The following MITF variants were observed in gnomAD, a reference collection of about 807,000 sequenced individuals.
MITF encodes the protein microphthalmia-associated transcription factor.
In MITF, 17 loss-of-function variants were observed where a neutral mutation model predicts 60.5. The ratio of observed to expected loss-of-function variants is 0.28; its 90% CI spans 0.19 to 0.42. The LOEUF (loss-of-function observed/expected upper bound fraction) is 0.42, where lower values mean the gene tolerates loss of function less well. Among genes scored for constraint, MITF ranks in the 10% least tolerant of loss-of-function variants. The probability of loss-of-function intolerance (pLI) is 1.00; values close to 1 mark genes in which losing one functional copy is unlikely to be tolerated. For missense variants in MITF, 622 were observed against 683.5 expected, an observed-to-expected ratio of 0.91 and a Z score of 1.00; for synonymous variants, 260 against 248.5, an observed-to-expected ratio of 1.05 and a Z score of -0.43.
At chr3:69,850,595 T>C (rs952303190) in intron 1 of MITF, among the ~76,000 whole-genome samples, 1 of 152,168 alleles carries the variant, frequency 6.6e-6, no homozygotes, top group Non-Finnish European at 1.5e-5. Context: ...AAAGGAAAGA[T>C]TGTTTGCATG....
chr3:69,794,954 C>T (rs914909049), intron 1 of MITF, among the ~76,000 whole-genome samples: 4 of 152,124 alleles, frequency 2.6e-5, no homozygotes, highest in Non-Finnish European at 4.4e-5. Context: ...CTTTTTGATG[C>T]TGTGTGAGTA....
At chr3:69,905,945 AGTGTC>A (rs1195827726) in intron 2 of MITF, among the ~76,000 whole-genome samples, 1 of 152,100 alleles carries the variant, frequency 6.6e-6, no homozygotes, top group Non-Finnish European at 1.5e-5. Context: ...TTCTATTAAT[AGTGTC>A]TTTTGAAAAG....
At chr3:69,854,876 C>T (rs1437283437) in intron 1 of MITF, among the ~76,000 whole-genome samples, 1 of 152,188 alleles carries the variant, frequency 6.6e-6, no homozygotes, top group Non-Finnish European at 1.5e-5. Flanking sequence ...GATTACTCCT[C>T]TAAAGTATTA....
At chr3:69,787,789 T>G (rs1224701520) in intron 1 of MITF, among the ~76,000 whole-genome samples, 1 of 152,156 alleles carries the variant, frequency 6.6e-6, no homozygotes, top group Non-Finnish European at 1.5e-5. Flanking sequence ...CTCCTACGTG[T>G]CCAACATTAC....
chr3:69,831,205 G>C (rs934109110), intron 1 of MITF, among the ~76,000 whole-genome samples: 1 of 152,140 alleles, frequency 6.6e-6, no homozygotes, highest in Non-Finnish European at 1.5e-5. Context: ...GCACATGATG[G>C]GCACGGAGTA....
chr3:69,834,707 A>G (rs557917230), intron 1 of MITF, among the ~76,000 whole-genome samples: 1 of 152,242 alleles, frequency 6.6e-6, no homozygotes, highest in Non-Finnish European at 1.5e-5. Flanking sequence ...GGGTTGCTGG[A>G]TTATATGGTA....
intron 1 of MITF, among the ~76,000 whole-genome samples, chr3:69,814,229 T>C (rs973137498): frequency 1.1e-4 from 16 of 152,220 alleles, no homozygotes; most frequent in Non-Finnish European, 1.5e-4. Context: ...TTCCCAAATG[T>C]AATGAGTTCA....
chr3:69,813,790 A>G (rs532514190), intron 1 of MITF, among the ~76,000 whole-genome samples: 2 of 152,296 alleles, frequency 1.3e-5, no homozygotes, highest in Admixed American at 6.5e-5. Flanking sequence ...AATTGGTGTT[A>G]TGAACAAAAA....
chr3:69,927,501 C>T (rs1381921206), intron 2 of MITF, among the ~76,000 whole-genome samples: 2 of 151,476 alleles, frequency 1.3e-5, no homozygotes, highest in Admixed American at 1.3e-4. Flanking sequence ...CAAACCTGCA[C>T]GTTCTGCACA....
At chr3:69,797,174 T>C (rs776218674) in intron 1 of MITF, among the ~76,000 whole-genome samples, 16 of 152,164 alleles carry the variant, frequency 1.1e-4, no homozygotes, top group Admixed American at 3.3e-4. Context: ...GAATGGAAAA[T>C]TGTATTACAC....
At chr3:69,799,646 G>A (rs1256558169) in intron 1 of MITF, among the ~76,000 whole-genome samples, 1 of 150,162 alleles carries the variant, frequency 6.7e-6, no homozygotes, top group African/African-American at 2.4e-5. Context: ...CTTTCACACT[G>A]TCTTATTTCT....
chr3:69,939,627 T>A (rs1187805961), intron 4 of MITF, among the ~76,000 whole-genome samples: 1 of 152,068 alleles, frequency 6.6e-6, no homozygotes, highest in African/African-American at 2.4e-5. Flanking sequence ...CTTTCCCAAA[T>A]AACTAAAGTT....
At chr3:69,873,622 T>C (rs1018460162) in intron 1 of MITF, among the ~76,000 whole-genome samples, 4 of 152,188 alleles carry the variant, frequency 2.6e-5, no homozygotes, top group Non-Finnish European at 4.4e-5. Context: ...TTGTGTCCCA[T>C]CCAACATGTT....
At chr3:69,797,880 A>G (rs1383916832) in intron 1 of MITF, among the ~76,000 whole-genome samples, 1 of 152,240 alleles carries the variant, frequency 6.6e-6, no homozygotes, top group African/African-American at 2.4e-5. Context: ...TTACAATAAA[A>G]ATATAAATGT....
chr3:69,962,540 G>A (rs542824409), intron 9 of MITF, among the ~76,000 whole-genome samples: 186 of 152,304 alleles, frequency 1.2e-3, no homozygotes, highest in Non-Finnish European at 2.2e-3. Context: ...TGTGGGCAGA[G>A]GTTGAGAGGC....
chr3:69,816,566 T>C (rs929579816), intron 1 of MITF, among the ~76,000 whole-genome samples: 4 of 152,178 alleles, frequency 2.6e-5, no homozygotes, highest in Admixed American at 1.3e-4. Context: ...CTCTAACAAT[T>C]TTTATGTAAG....
At chr3:69,955,148 C>T (rs1348033774) in intron 7 of MITF, among the ~76,000 whole-genome samples, 2 of 152,134 alleles carry the variant, frequency 1.3e-5, no homozygotes, top group Non-Finnish European at 2.9e-5. Flanking sequence ...AGTTCTAGGG[C>T]TGTGCTATCT....
intron 1 of MITF, among the ~76,000 whole-genome samples, chr3:69,830,844 G>A (rs1248185271): frequency 2.6e-5 from 4 of 152,082 alleles, no homozygotes; most frequent in South Asian, 2.1e-4. Context: ...CATGTCTTAC[G>A]TTGCCATAAA....
chr3:69,767,742 C>T (rs953059889), intron 1 of MITF, among the ~76,000 whole-genome samples: 4 of 152,230 alleles, frequency 2.6e-5, no homozygotes, highest in African/African-American at 9.6e-5. Flanking sequence ...CCAGGGAGTG[C>T]GGCCAGCTTC....
Sources: gnomAD v4.1 joint callset for allele counts (sites outside exome capture counted in the v4.1 genomes callset) on GRCh38, gnomAD v4.1.1 for gene constraint, MANE v1.5 for transcripts, NCBI Gene and HGNC (gene_info 2026-07-23, HGNC 2026-07-21) for gene names.